The following RFX3 variants were observed in gnomAD, a reference collection of about 807,000 sequenced individuals.
The protein encoded by RFX3 is regulatory factor X3.
In RFX3, 14 loss-of-function variants were observed where a neutral mutation model predicts 98.6. The ratio of observed to expected loss-of-function variants is 0.14; its 90% CI spans 0.09 to 0.22. The LOEUF is 0.22. Among genes scored for constraint, RFX3 ranks in the 10% least tolerant of loss-of-function variants. RFX3 has a pLI of 1.00. For synonymous variants in RFX3, 383 were observed against 328.4 expected, an observed-to-expected ratio of 1.17 and a Z score of -1.80; for missense variants, 639 against 926.9, an observed-to-expected ratio of 0.69 and a Z score of 4.03.
intron 5 of RFX3, among the ~76,000 whole-genome samples, chr9:3,299,089 T>A (rs545310480): frequency 1.3e-4 from 19 of 151,896 alleles, no homozygotes; most frequent in African/African-American, 3.9e-4. Flanking sequence ...TAATTCTATA[T>A]TATGCCCCAT....
intron 2 of RFX3, among the ~76,000 whole-genome samples, chr9:3,359,501 T>C (rs1373437898): frequency 6.6e-6 from 1 of 152,152 alleles, no homozygotes; most frequent in Non-Finnish European, 1.5e-5. Context: ...AGAGCCAGTC[T>C]ATCAGGATGT....
intron 4 of RFX3, among the ~76,000 whole-genome samples, chr9:3,325,569 T>A (rs1831814213): frequency 6.6e-6 from 1 of 152,086 alleles, no homozygotes; most frequent in South Asian, 2.1e-4. Flanking sequence ...TCAAAAATGA[T>A]TAATGTAATC....
intron 1 of RFX3, among the ~76,000 whole-genome samples, chr9:3,514,138 C>A (rs1005353775): frequency 3.3e-5 from 5 of 152,124 alleles, no homozygotes; most frequent in Non-Finnish European, 5.9e-5. Flanking sequence ...AAATTGCTCA[C>A]AAAACTACAC....
chr9:3,434,990 T>G (rs189625500), intron 1 of RFX3, among the ~76,000 whole-genome samples: 2 of 151,936 alleles, frequency 1.3e-5, no homozygotes, highest in East Asian at 3.9e-4. Flanking sequence ...CAGTGTTAAG[T>G]ACTTACATAT....
intron 1 of RFX3, among the ~76,000 whole-genome samples, chr9:3,476,493 A>G (rs1849268305): frequency 6.6e-6 from 1 of 152,186 alleles, no homozygotes; most frequent in African/African-American, 2.4e-5. Flanking sequence ...GCTCAGTGAC[A>G]GCAATCACCA....
intron 1 of RFX3, among the ~76,000 whole-genome samples, chr9:3,481,553 TGTG>T (rs1303088400): frequency 6.6e-6 from 1 of 151,764 alleles, no homozygotes; most frequent in Non-Finnish European, 1.5e-5. Flanking sequence ...CATGTTATAA[TGTG>T]GGGACATCAA....
intron 7 of RFX3, among the ~76,000 whole-genome samples, chr9:3,282,359 C>T (rs1168775209): frequency 1.3e-5 from 2 of 151,756 alleles, no homozygotes; most frequent in Non-Finnish European, 3.0e-5. Context: ...CTCTTCCATT[C>T]TTGTTGGTGG....
chr9:3,472,256 A>T (rs1414571942), intron 1 of RFX3, among the ~76,000 whole-genome samples: 1 of 152,104 alleles, frequency 6.6e-6, no homozygotes, highest in African/African-American at 2.4e-5. Flanking sequence ...AGCAGTATTT[A>T]AAAGCTTGGG....
chr9:3,329,407 C>CAAAAAAAAAAAAAA (rs1202028884), intron 4 of RFX3, among the ~76,000 whole-genome samples: 5 of 38,136 alleles, frequency 1.3e-4, no homozygotes, highest in African/African-American at 5.3e-4. Flanking sequence ...GACTTCATCT[C>CAAAAAAAAAAAAAA]AAAAAAAAAA....
At chr9:3,511,357 T>C (rs543912128) in intron 1 of RFX3, among the ~76,000 whole-genome samples, 179 of 152,132 alleles carry the variant, frequency 1.2e-3, no homozygotes, top group African/African-American at 4.2e-3. Context: ...ATAACGATTT[T>C]TTTTTGGCTA....
chr9:3,525,392 C>A (rs1819166166), intron 1 of RFX3, among the ~76,000 whole-genome samples: 1 of 152,208 alleles, frequency 6.6e-6, no homozygotes, highest in African/African-American at 2.4e-5. Context: ...TCAGACCAGA[C>A]CTAAGGGAAA....
intron 1 of RFX3, among the ~76,000 whole-genome samples, chr9:3,504,858 AT>A (rs1181599007): frequency 1.6e-4 from 4 of 24,488 alleles, no homozygotes; most frequent in African/African-American, 5.6e-4. Context: ...ATTATATATG[AT>A]ATAATATATA....
intron 1 of RFX3, among the ~76,000 whole-genome samples, chr9:3,522,604 T>C (rs889428905): frequency 6.6e-6 from 1 of 151,550 alleles, no homozygotes; most frequent in Non-Finnish European, 1.5e-5. Flanking sequence ...TTGCCACACA[T>C]CTGCTGCTAT....
intron 4 of RFX3, among the ~76,000 whole-genome samples, chr9:3,327,416 TTTAAA>T (rs1217049672): frequency 6.6e-6 from 1 of 152,104 alleles, no homozygotes; most frequent in Non-Finnish European, 1.5e-5. Context: ...GAGACGGGGA[TTTAAA>T]TTAAATATAC....
intron 3 of RFX3, among the ~76,000 whole-genome samples, chr9:3,334,993 G>A (rs999654089): frequency 6.6e-6 from 1 of 151,956 alleles, no homozygotes; most frequent in Non-Finnish European, 1.5e-5. Flanking sequence ...ATGGTGGCAC[G>A]CACCTGTAAT....
In RFX3 at chr9:3,511,353, AT is replaced by A. The variant is rs530419681; in HGVS notation, c.-9+14393del. Among the ~76,000 whole-genome samples the A allele has an allele frequency of 8.6e-5, 13 of 151,310 alleles. No individual in the cohort carries two copies. The South Asian group carries it at 1.9e-3, about 22-fold the overall frequency. ...TAAGACCATTATTACATGAATAACG[AT>A]TTTTTTTTGGCTATAGATTTTAGAA... On this transcript the variant is annotated intron_variant, in intron 1 of 16. Transcript: ENST00000617270.
intron 1 of RFX3, among the ~76,000 whole-genome samples, chr9:3,502,579 C>G (rs926279076): frequency 1.3e-5 from 2 of 152,170 alleles, no homozygotes; most frequent in Non-Finnish European, 2.9e-5. Flanking sequence ...GCAGTCAACA[C>G]TAAATTTGAA....
chr9:3,466,515 G>T (rs771352029), intron 1 of RFX3, among the ~76,000 whole-genome samples: 2 of 152,106 alleles, frequency 1.3e-5, no homozygotes, highest in South Asian at 4.1e-4. Context: ...AGTATAGGTT[G>T]GCACAAAAGT....
intron 2 of RFX3, among the ~76,000 whole-genome samples, chr9:3,386,814 C>T (rs925876383): frequency 6.6e-6 from 1 of 152,080 alleles, no homozygotes; most frequent in African/African-American, 2.4e-5. Flanking sequence ...TAGACAAGTA[C>T]ATATGTCTCT....
Sources: gnomAD v4.1 joint callset for allele counts (sites outside exome capture counted in the v4.1 genomes callset) on GRCh38, gnomAD v4.1.1 for gene constraint, MANE v1.5 for transcripts, NCBI Gene and HGNC (gene_info 2026-07-23, HGNC 2026-07-21) for gene names.